Variants in NEK1 observed in about 807,000 individuals in gnomAD.
NEK1 encodes serine/threonine-protein kinase Nek1.
NEK1 carries 137 observed loss-of-function variants against 182.1 expected under a neutral mutation model. The ratio of observed to expected loss-of-function variants is 0.75; its 90% CI spans 0.65 to 0.87. NEK1 has a LOEUF of 0.87. Ranked by LOEUF, NEK1 falls within the 40% of genes least tolerant of loss-of-function variation. The pLI is 0.00. For synonymous variants in NEK1, 513 were observed against 492.2 expected, an observed-to-expected ratio of 1.04 and a Z score of -0.56; for missense variants, 1,391 against 1,494.4, an observed-to-expected ratio of 0.93 and a Z score of 1.14.
intron 26 of NEK1, among the ~76,000 whole-genome samples, chr4:169,467,142 C>T (rs1745077993): frequency 2.0e-5 from 3 of 148,592 alleles, no homozygotes; most frequent in African/African-American, 7.9e-5. Flanking sequence ...CTCTTGATTC[C>T]TATTATGAGA....
chr4:169,605,995 T>C (rs1771273113), intron 2 of NEK1, among the ~76,000 whole-genome samples: 1 of 152,092 alleles, frequency 6.6e-6, no homozygotes, highest in Non-Finnish European at 1.5e-5. Context: ...TCAGTTTCTT[T>C]ATCTAGAAAC....
chr4:169,540,882 T>A (rs1561375374), intron 18 of NEK1, among the ~76,000 whole-genome samples: 1 of 151,984 alleles, frequency 6.6e-6, no homozygotes, highest in African/African-American at 2.4e-5. Flanking sequence ...TTTTTTTTTT[T>A]AGCCCTGACA....
intron 2 of NEK1, among the ~76,000 whole-genome samples, chr4:169,610,719 G>A (rs577665328): frequency 4.6e-5 from 7 of 152,282 alleles, no homozygotes; most frequent in East Asian, 1.9e-4. Context: ...GCTCAACTTC[G>A]ATCAATCTGG....
intron 26 of NEK1, among the ~76,000 whole-genome samples, chr4:169,476,773 G>C (rs1207414736): frequency 6.6e-6 from 1 of 152,080 alleles, no homozygotes; most frequent in African/African-American, 2.4e-5. Flanking sequence ...ATGTTTCTGA[G>C]ACACTACCCT....
At chr4:169,397,227 A>AG (rs1730883629) in intron 35 of NEK1, among the ~76,000 whole-genome samples, 1 of 113,970 alleles carries the variant, frequency 8.8e-6, no homozygotes, top group Non-Finnish European at 2.1e-5. Flanking sequence ...CTGTCTCCAT[A>AG]GAAAAAAAAA....
chr4:169,569,242 T>C (rs1035620284), intron 12 of NEK1, among the ~76,000 whole-genome samples: 2 of 152,206 alleles, frequency 1.3e-5, no homozygotes, highest in African/African-American at 4.8e-5. Context: ...TCCTTTTCAT[T>C]ACCTCAACCT....
chr4:169,415,487 T>C (rs572781115), intron 31 of NEK1, among the ~76,000 whole-genome samples: 1 of 152,036 alleles, frequency 6.6e-6, no homozygotes, highest in South Asian at 2.1e-4. Flanking sequence ...TCTTTTCATT[T>C]TGACTATCAT....
chr4:169,546,962 AGC>A (rs1422246346), intron 18 of NEK1, among the ~76,000 whole-genome samples: 1 of 152,188 alleles, frequency 6.6e-6, no homozygotes, highest in African/African-American at 2.4e-5. Flanking sequence ...TGCAGCATTT[AGC>A]CCATTTACAT....
chr4:169,468,145 AATC>A (rs1339263793), intron 26 of NEK1, among the ~76,000 whole-genome samples: 2 of 152,178 alleles, frequency 1.3e-5, no homozygotes, highest in African/African-American at 4.8e-5. Context: ...GAATCTCAAA[AATC>A]ATTATGCTTT....
At chr4:169,443,383 T>TTAAA (rs1739900311) in intron 27 of NEK1, among the ~76,000 whole-genome samples, 1 of 72,908 alleles carries the variant, frequency 1.4e-5, no homozygotes, top group Non-Finnish European at 2.5e-5. Flanking sequence ...ATTCAATGAA[T>TTAAA]TAAATAAAAT....
intron 23 of NEK1, among the ~76,000 whole-genome samples, chr4:169,485,978 C>A (rs138090765): frequency 2.0e-5 from 3 of 152,100 alleles, no homozygotes; most frequent in Non-Finnish European, 2.9e-5. Context: ...CCCAGCAGGT[C>A]GAAATTGCAG....
chr4:169,569,537 G>A (rs1764308530), intron 12 of NEK1, among the ~76,000 whole-genome samples: 1 of 142,204 alleles, frequency 7.0e-6, no homozygotes, highest in Non-Finnish European at 1.5e-5. Context: ...TCCCTCTGAT[G>A]CCGAGCCGAA....
chr4:169,530,942 C>G (rs1757579229), intron 19 of NEK1, among the ~76,000 whole-genome samples: 2 of 148,420 alleles, frequency 1.3e-5, no homozygotes, highest in African/African-American at 5.0e-5. Flanking sequence ...ATAAACAGGA[C>G]AGAAGTTAGG....
chr4:169,542,525 G>A (rs1759633282), intron 18 of NEK1, among the ~76,000 whole-genome samples: 1 of 152,196 alleles, frequency 6.6e-6, no homozygotes, highest in South Asian at 2.1e-4. Context: ...CCAGTAATGG[G>A]ATTGCTGGGT....
In NEK1 at chr4:169,453,393, T is replaced by A. The variant is rs112664170; in HGVS notation, c.2587+9850A>T. Among the ~76,000 whole-genome samples, 504 of 152,284 alleles carry A rather than the reference T, an allele frequency of 3.3e-3. 4 individuals are homozygous for A. Among genetic ancestry groups the A allele is most frequent in the African/African-American group, 0.011 (476 of 41,572 alleles). The stretch of plus-strand genomic sequence containing the variant: ...CAAAAGAACAAACCTGGAGGCATCA[T>A]GCTACCTGACTTCAAACTATACTAC... On this transcript the variant is annotated intron_variant, in intron 27 of 35. Transcript: ENST00000507142.
intron 18 of NEK1, among the ~76,000 whole-genome samples, chr4:169,540,630 ATTTCT>A (rs1268808265): frequency 1.3e-5 from 2 of 152,148 alleles, no homozygotes; most frequent in Non-Finnish European, 2.9e-5. Flanking sequence ...AAATTAGACT[ATTTCT>A]TTTGAGTTCC....
At chr4:169,477,525 G>C in intron 24 of NEK1, 28 bp from the exon 25 acceptor site, 1 of 1,509,100 alleles carries the variant, frequency 6.6e-7, no homozygotes, top group African/African-American at 1.4e-5. Context: ...TACAGAGGAA[G>C]AGATAATTTT....
At chr4:169,403,327 G>A (rs1036092105) in intron 32 of NEK1, among the ~76,000 whole-genome samples, 33 of 152,054 alleles carry the variant, frequency 2.2e-4, no homozygotes, top group African/African-American at 7.7e-4. Flanking sequence ...TAGCCCTTTG[G>A]GAGGCTGAGA....
At chr4:169,492,071 GAGA>G (rs1750195111) in intron 23 of NEK1, among the ~76,000 whole-genome samples, 2 of 152,140 alleles carry the variant, frequency 1.3e-5, no homozygotes, top group African/African-American at 2.4e-5. Context: ...TAGACAATAA[GAGA>G]AGAAGAAAGG....
Sources: allele counts gnomAD v4.1 joint callset (sites outside exome capture counted in the v4.1 genomes callset), GRCh38; gene constraint gnomAD v4.1.1; transcripts MANE v1.5; gene names NCBI Gene and HGNC (gene_info 2026-07-23, HGNC 2026-07-21).